The following SETD5 variants were observed in gnomAD, a reference collection of about 807,000 sequenced individuals.
SETD5 encodes the protein SET domain containing 5.
A neutral mutation model predicts 153.3 loss-of-function variants in SETD5; 44 were observed. The ratio of observed to expected loss-of-function variants is 0.29; its 90% CI spans 0.23 to 0.37. SETD5 has a LOEUF of 0.37. Ranked by LOEUF, SETD5 falls within the 10% of genes least tolerant of loss-of-function variation. SETD5 has a pLI of 1.00. For synonymous variants in SETD5, 716 were observed against 645.2 expected (o/e 1.11, Z -1.66); for missense variants, 1,544 against 1,768.0 (o/e 0.87, Z 2.27).
chr3:9,421,180 T>C (rs1343618808), intron 1 of SETD5, among the ~76,000 whole-genome samples: 1 of 152,120 alleles, frequency 6.6e-6, no homozygotes, highest in East Asian at 1.9e-4. Flanking sequence ...GACAACACAA[T>C]GAAGATTTTA....
At position 9,434,212 on chromosome 3, in the gene SETD5, C is replaced by A. The variant is rs767600261; in HGVS notation, c.178-122C>A. The A allele has an allele frequency of 8.2e-5, 127 of 1,550,102 alleles. No homozygotes were observed. The highest frequency in any genetic ancestry group is 6.5e-5 in the Non-Finnish European group (74 of 1,140,834). On this transcript the variant is annotated intron_variant, in intron 4 of 22. Transcript: ENST00000402198. This position sits in a 1 kb window ranked among gnomAD's most constrained non-coding sequence, Gnocchi z 5.6. ...ACTTTCTTCTTTCTTTCCATATGTA[C>A]CATACTTTAGGGGAGAGAGGGGCCA... is the stretch of plus-strand genomic sequence containing the variant.
In SETD5 at chr3:9,448,597, T is replaced by G; in HGVS notation, c.2313T>G (p.Leu771=). The change falls in exon 16 of 23, where the codon CTT becomes CTG. Residue 771 remains leucine, a synonymous_variant. Coordinates refer to ENST00000402198, the MANE Select transcript of SETD5 (RefSeq NM_001080517.3). ...PFIPERRRRP[L]LPDGTFSSCK... ...TCCCTGAGAGACGTCGAAGGCCCCT[T>G]CTGCCTGATGGCACATTCAGCTCCT... 6.2e-7 allele frequency: 1 copy of G among 1,605,718 alleles called. No individual in the cohort carries two copies.
At chr3:9,399,380 A>G (rs1051720193) in intron 1 of SETD5, among the ~76,000 whole-genome samples, 1 of 152,108 alleles carries the variant, frequency 6.6e-6, no homozygotes, top group Admixed American at 6.5e-5. Context: ...GGACTAAAGC[A>G]GAGAATACCC....
chr3:9,434,711 AT>A lies in SETD5; in HGVS notation c.330-110del. ...ATATGAAATTTAATGTCCTGGAAAC[AT>A]TTGGTAGGTGGGAGGGAGGGGGTAG... On this transcript the variant is annotated intron_variant, in intron 5 of 22. Transcript: ENST00000402198. This position sits in a 1 kb window ranked among gnomAD's most constrained non-coding sequence, Gnocchi z 5.6. 6.8e-7 allele frequency: 1 copy of A among 1,468,426 alleles called. No homozygotes were observed. Among genetic ancestry groups the A allele is most frequent in the Non-Finnish European group, 9.0e-7 (1 of 1,105,636 alleles). The allele number at this position is 1,468,426 out of a possible 1,614,324, so 91.0% of individuals were successfully genotyped here.
At chr3:9,400,396 A>AT (rs2034566761) in intron 1 of SETD5, among the ~76,000 whole-genome samples, 1 of 152,082 alleles carries the variant, frequency 6.6e-6, no homozygotes, top group African/African-American at 2.4e-5. Flanking sequence ...AATAACAGGA[A>AT]TTTTTTCCTG....
chr3:9,447,372 T>G, intron 14 of SETD5, 65 bp downstream of exon 14: 1 of 1,539,786 alleles, frequency 6.5e-7, no homozygotes, highest in Non-Finnish European at 8.7e-7. Context: ...TACCTAACTT[T>G]TGGAATTTTT....
intron 18 of SETD5, 152 bp downstream of exon 18, chr3:9,464,824 G>A: frequency 8.1e-7 from 1 of 1,240,670 alleles, no homozygotes; most frequent in Non-Finnish European, 1.1e-6. Flanking sequence ...ATTGTGGCCT[G>A]TTACCTGGTA....
intron 18 of SETD5, among the ~76,000 whole-genome samples, chr3:9,469,968 C>G (rs2045108555): frequency 6.6e-6 from 1 of 152,172 alleles, no homozygotes; most frequent in Non-Finnish European, 1.5e-5. Context: ...ACTTGCCTTT[C>G]CGTCTACCTT....
At chr3:9,430,814 A>G in intron 3 of SETD5, 1 of 985,040 alleles carries the variant, frequency 1.0e-6, no homozygotes, top group Non-Finnish European at 1.2e-6. Flanking sequence ...TCCAGAAATA[A>G]AAATACTTCT....
At chr3:9,423,400 TG>T in intron 1 of SETD5, 1 of 152,226 alleles carries the variant, frequency 6.6e-6, no homozygotes, top group African/African-American at 2.4e-5. Context: ...AACTTACTAG[TG>T]TTCCTGTGGA....
At chr3:9,456,225 C>T (rs1440272833) in intron 17 of SETD5, among the ~76,000 whole-genome samples, 1 of 152,026 alleles carries the variant, frequency 6.6e-6, no homozygotes, top group African/African-American at 2.4e-5. Flanking sequence ...CCTGTAATCC[C>T]AGCACTTTGG....
At chr3:9,405,740 T>C (rs1304937258) in intron 1 of SETD5, among the ~76,000 whole-genome samples, 1 of 152,250 alleles carries the variant, frequency 6.6e-6, no homozygotes, top group Non-Finnish European at 1.5e-5. Flanking sequence ...TATGTTAATT[T>C]TAATACATGC....
intron 16 of SETD5, 66 bp downstream of exon 16, chr3:9,448,696 A>AT: frequency 7.2e-7 from 1 of 1,390,664 alleles, no homozygotes; most frequent in East Asian, 2.5e-5. Flanking sequence ...TAAGCCTAAG[A>AT]TTCCTATCAT....
At chr3:9,437,009 T>G in intron 7 of SETD5, 1 of 821,776 alleles carries the variant, frequency 1.2e-6, no homozygotes, top group Non-Finnish European at 1.9e-6. Context: ...TAGTTTGTAG[T>G]TGTTGCCATT....
chr3:9,428,059 C>G (rs2039522149), intron 2 of SETD5, among the ~76,000 whole-genome samples: 1 of 152,016 alleles, frequency 6.6e-6, no homozygotes, highest in South Asian at 2.1e-4. Context: ...AAAAAGTAGT[C>G]AACTTTTTTA....
chr3:9,409,921 C>G (rs1370328193), intron 1 of SETD5, among the ~76,000 whole-genome samples: 1 of 152,184 alleles, frequency 6.6e-6, no homozygotes, highest in East Asian at 1.9e-4. Context: ...ACACACACTA[C>G]AGTTTTAGTG....
Position 9,410,950 on chromosome 3 carries a change from A to G in SETD5, c.-177+12973A>G, listed in dbSNP as rs138738497. Among the ~76,000 whole-genome samples, 481 of 150,316 alleles carry G rather than the reference A, an allele frequency of 3.2e-3. 2 individuals are homozygous for G. The highest frequency in any genetic ancestry group is 0.011 in the African/African-American group (450 of 40,654). On this transcript the variant is annotated intron_variant, in intron 1 of 22. Coordinates refer to ENST00000402198, the MANE Select transcript of SETD5 (RefSeq NM_001080517.3). ...GTTTCGCAGGCTGGAGTGCAGTGGCATGATCTCAGCTCACTGCAACCTAGG... is the reference window on the plus strand; with the variant it reads ...GTTTCGCAGGCTGGAGTGCAGTGGCGTGATCTCAGCTCACTGCAACCTAGG...
intron 13 of SETD5, among the ~76,000 whole-genome samples, chr3:9,445,964 T>G (rs991702482): frequency 1.4e-5 from 2 of 141,524 alleles, no homozygotes; most frequent in Non-Finnish European, 1.5e-5. Flanking sequence ...TTGAAGAGGT[T>G]GTTTTTTTTT....
Position 9,473,295 on chromosome 3 carries a change from G to A in SETD5, c.3255G>A (p.Gly1085=). The A allele has an allele frequency of 1.2e-6, 2 of 1,613,986 alleles. No homozygotes were observed. Among genetic ancestry groups the A allele is most frequent in the Non-Finnish European group, 1.7e-6 (2 of 1,179,878 alleles). ...AAGCTAAGGAAAATTCTGCTGGTGG[G>A]GGAGGTGACTCTGCACAGAGCAAAA... is the stretch of plus-strand genomic sequence containing the variant. ...KQEAKENSAG[G]GGDSAQSKSK... is the part of the protein sequence containing the mutation. The change falls in exon 20 of 23, where the codon GGG becomes GGA. Residue 1085 remains glycine (G), a synonymous_variant. Transcript: ENST00000402198.
Sources: gnomAD v4.1 joint callset for allele counts (sites outside exome capture counted in the v4.1 genomes callset) on GRCh38, gnomAD v4.1.1 for gene constraint, Gnocchi (gnomAD v3.1) non-coding constraint, MANE v1.5 for transcripts, NCBI Gene and HGNC (gene_info 2026-07-23, HGNC 2026-07-21) for gene names.